The following NPFFR2 variants were observed in gnomAD, a reference collection of about 807,000 sequenced individuals.
The protein encoded by NPFFR2 is neuropeptide FF receptor 2, also known as G-protein coupled receptor 74.
In NPFFR2, 15 loss-of-function variants were observed where a neutral mutation model predicts 13.1. That is an observed-to-expected ratio of 1.15 (90% confidence interval 0.77 to 1.76). The LOEUF (loss-of-function observed/expected upper bound fraction) is 1.76, where lower values mean the gene tolerates loss of function less well. Ranked by LOEUF, NPFFR2 falls within the 40% of genes most tolerant of loss-of-function variation. The probability of loss-of-function intolerance (pLI) is 0.00; values close to 1 mark genes in which losing one functional copy is unlikely to be tolerated. For missense variants in NPFFR2, 572 were observed against 503.5 expected (o/e 1.14, Z -1.30); for synonymous variants, 190 against 175.7 (o/e 1.08, Z -0.65).
intron 1 of NPFFR2, among the ~76,000 whole-genome samples, chr4:72,110,900 G>A (rs1384253107): frequency 6.6e-6 from 1 of 151,810 alleles, no homozygotes; most frequent in African/African-American, 2.4e-5. Context: ...TATCTTTCTG[G>A]TGACTTTGTG....
At chr4:72,114,002 G>T (rs959287443) in intron 1 of NPFFR2, among the ~76,000 whole-genome samples, 1 of 152,016 alleles carries the variant, frequency 6.6e-6, no homozygotes, top group African/African-American at 2.4e-5. Flanking sequence ...ATTCTGTTAA[G>T]AACTTTTCAT....
intron 1 of NPFFR2, among the ~76,000 whole-genome samples, chr4:72,110,563 G>T (rs1721536492): frequency 6.6e-6 from 1 of 151,932 alleles, no homozygotes; most frequent in Admixed American, 6.6e-5. Context: ...AGACAAAGTT[G>T]GTTTCCCTAG....
intron 1 of NPFFR2, among the ~76,000 whole-genome samples, chr4:72,116,995 T>A (rs1721731854): frequency 2.6e-5 from 4 of 151,726 alleles, no homozygotes. Context: ...CAGGATGGGG[T>A]CAAGACGTCT....
At chr4:72,143,655 A>G (rs1389771892) in intron 3 of NPFFR2, among the ~76,000 whole-genome samples, 1 of 152,234 alleles carries the variant, frequency 6.6e-6, no homozygotes, top group Non-Finnish European at 1.5e-5. Flanking sequence ...AGATTAAATT[A>G]GCCATCACAC....
chr4:72,125,340 A>G (rs943198635), intron 1 of NPFFR2, among the ~76,000 whole-genome samples: 1 of 152,230 alleles, frequency 6.6e-6, no homozygotes, highest in Admixed American at 6.5e-5. Flanking sequence ...AGTTTAAATT[A>G]GTTCAACCAT....
intron 1 of NPFFR2, among the ~76,000 whole-genome samples, chr4:72,036,937 G>T (rs190590170): frequency 6.6e-6 from 1 of 152,028 alleles, no homozygotes; most frequent in Admixed American, 6.6e-5. Context: ...GAGAGTTTGC[G>T]ACTTATAAAA....
At chr4:72,097,579 C>T (rs1721108206) in intron 1 of NPFFR2, among the ~76,000 whole-genome samples, 1 of 152,046 alleles carries the variant, frequency 6.6e-6, no homozygotes, top group Admixed American at 6.6e-5. Flanking sequence ...GGAGACTTTT[C>T]CTTGTTTTCT....
chr4:72,052,524 C>T (rs1719616574), intron 1 of NPFFR2, among the ~76,000 whole-genome samples: 1 of 151,940 alleles, frequency 6.6e-6, no homozygotes, highest in African/African-American at 2.4e-5. Context: ...CTATGACAAA[C>T]CCACAGCCAA....
chr4:72,132,522 G>T (rs76296623), intron 2 of NPFFR2, among the ~76,000 whole-genome samples: 2,378 of 152,286 alleles, frequency 0.016, 67 homozygotes, highest in African/African-American at 0.054. Flanking sequence ...CTAGTATTGG[G>T]ATTGCTGGGT....
chr4:72,047,693 C>G (rs1719416655), intron 1 of NPFFR2, among the ~76,000 whole-genome samples: 1 of 152,074 alleles, frequency 6.6e-6, no homozygotes, highest in Non-Finnish European at 1.5e-5. Context: ...GTTTAATTCA[C>G]AGCAGAAGAT....
intron 1 of NPFFR2, among the ~76,000 whole-genome samples, chr4:72,076,389 AT>A: frequency 6.6e-6 from 1 of 152,212 alleles, no homozygotes; most frequent in East Asian, 1.9e-4. Flanking sequence ...ACAAAAGTTG[AT>A]TTTTATGTAC....
At chr4:72,101,678 C>G (rs959643082) in intron 1 of NPFFR2, among the ~76,000 whole-genome samples, 9 of 151,572 alleles carry the variant, frequency 5.9e-5, no homozygotes, top group Non-Finnish European at 1.3e-4. Context: ...GGGAGTTTTC[C>G]TGGGTAAAGG....
intron 1 of NPFFR2, among the ~76,000 whole-genome samples, chr4:72,052,699 T>C (rs890451281): frequency 3.9e-5 from 6 of 152,018 alleles, no homozygotes; most frequent in East Asian, 1.9e-4. Context: ...CCTTTCCCTT[T>C]CCAGGTCTTT....
At chr4:72,114,331 T>C (rs573980194) in intron 1 of NPFFR2, among the ~76,000 whole-genome samples, 1 of 152,224 alleles carries the variant, frequency 6.6e-6, no homozygotes, top group Non-Finnish European at 1.5e-5. Flanking sequence ...ATCACCATGA[T>C]ATAATTTTAT....
chr4:72,124,311 G>C (rs1721973362), intron 1 of NPFFR2, among the ~76,000 whole-genome samples: 1 of 152,080 alleles, frequency 6.6e-6, no homozygotes, highest in Non-Finnish European at 1.5e-5. Flanking sequence ...CATGAAAAAT[G>C]GCCTTCCTGA....
intron 1 of NPFFR2, among the ~76,000 whole-genome samples, chr4:72,090,050 A>G (rs569639189): frequency 6.6e-6 from 1 of 152,142 alleles, no homozygotes; most frequent in East Asian, 1.9e-4. Context: ...TGGCTTGCCA[A>G]TTATCCCAGC....
intron 1 of NPFFR2, among the ~76,000 whole-genome samples, chr4:72,062,935 C>T (rs1339109779): frequency 1.3e-5 from 1 of 77,306 alleles, no homozygotes; most frequent in Non-Finnish European, 3.1e-5. Flanking sequence ...TTCTAGGAGA[C>T]TTTTGAGAAA....
chr4:72,128,537 T>C, intron 1 of NPFFR2, 48 bp from the exon 2 acceptor site: 1 of 1,190,586 alleles, frequency 8.4e-7, no homozygotes, highest in Non-Finnish European at 1.2e-6. Context: ...AATTTATGCT[T>C]TACTGGTTCC....
At chr4:72,070,127 T>C (rs1240988722) in intron 1 of NPFFR2, among the ~76,000 whole-genome samples, 1 of 152,196 alleles carries the variant, frequency 6.6e-6, no homozygotes, top group Non-Finnish European at 1.5e-5. Context: ...AGAGCTATAA[T>C]TGATCCCTAG....
Sources: allele counts gnomAD v4.1 joint callset (sites outside exome capture counted in the v4.1 genomes callset), GRCh38; gene constraint gnomAD v4.1.1; transcripts MANE v1.5; gene names NCBI Gene and HGNC (gene_info 2026-07-23, HGNC 2026-07-21).